The following CTNND2 variants were observed in gnomAD, a reference collection of about 807,000 sequenced individuals.
CTNND2 encodes the protein catenin delta-2.
In CTNND2, 22 loss-of-function variants were observed where a neutral mutation model predicts 144.4. That is an observed-to-expected ratio of 0.15 (90% CI 0.11 to 0.22). The LOEUF (loss-of-function observed/expected upper bound fraction) is 0.22. Among genes scored for constraint, CTNND2 ranks in the 10% least tolerant of loss-of-function variants. The pLI, the probability that CTNND2 is intolerant of heterozygous loss-of-function variation, is 1.00. For missense variants in CTNND2, 1,353 were observed against 1,618.8 expected (o/e 0.84, Z 2.82); for synonymous variants, 751 against 695.6 (o/e 1.08, Z -1.25).
intron 2 of CTNND2, among the ~76,000 whole-genome samples, chr5:11,625,420 T>G (rs1173931716): frequency 2.6e-5 from 4 of 151,276 alleles, no homozygotes; most frequent in South Asian, 2.1e-4. Context: ...TCTCTCTCTC[T>G]CTCGCTCTCT....
chr5:11,821,785 A>G (rs993371658), intron 1 of CTNND2, among the ~76,000 whole-genome samples: 4 of 152,224 alleles, frequency 2.6e-5, no homozygotes, highest in Non-Finnish European at 5.9e-5. Flanking sequence ...TAGAAATATG[A>G]AAATTTCTAT....
At chr5:11,332,903 C>T (rs1035333769) in intron 9 of CTNND2, among the ~76,000 whole-genome samples, 4 of 152,174 alleles carry the variant, frequency 2.6e-5, no homozygotes, top group Non-Finnish European at 4.4e-5. Context: ...AAACCCCTTT[C>T]GTTCATTCTG....
At chr5:11,628,129 T>C (rs1034667853) in intron 2 of CTNND2, among the ~76,000 whole-genome samples, 3 of 152,062 alleles carry the variant, frequency 2.0e-5, no homozygotes, top group Admixed American at 6.6e-5. Flanking sequence ...GTGATTTGGA[T>C]AGGGATAGCT....
intron 9 of CTNND2, among the ~76,000 whole-genome samples, chr5:11,304,952 C>G (rs1750025092): frequency 6.6e-6 from 1 of 151,266 alleles, no homozygotes; most frequent in African/African-American, 2.4e-5. Flanking sequence ...TTATGTGCTT[C>G]CTTGCTTGCT....
chr5:11,280,695 A>T (rs1747024403), intron 9 of CTNND2, among the ~76,000 whole-genome samples: 1 of 152,186 alleles, frequency 6.6e-6, no homozygotes, highest in South Asian at 2.1e-4. Context: ...ACAGAAACAG[A>T]GGGAAGCATT....
intron 2 of CTNND2, among the ~76,000 whole-genome samples, chr5:11,691,115 T>G (rs543636252): frequency 9.9e-5 from 15 of 152,248 alleles, no homozygotes; most frequent in African/African-American, 3.6e-4. Flanking sequence ...CTCACACCTG[T>G]AATCCCAGCA....
chr5:11,757,231 A>G (rs1581833458), intron 1 of CTNND2, among the ~76,000 whole-genome samples: 1 of 151,420 alleles, frequency 6.6e-6, no homozygotes, highest in African/African-American at 2.4e-5. Context: ...TGCTATATAT[A>G]TTGTTCTGTA....
At chr5:11,085,445 G>T (rs765749368) in intron 15 of CTNND2, among the ~76,000 whole-genome samples, 1 of 152,168 alleles carries the variant, frequency 6.6e-6, no homozygotes, top group African/African-American at 2.4e-5. Context: ...AATACAAGAA[G>T]TCATGTCTAA....
chr5:11,723,681 C>G (rs1230273509), intron 2 of CTNND2, among the ~76,000 whole-genome samples: 2 of 152,294 alleles, frequency 1.3e-5, no homozygotes, highest in East Asian at 3.9e-4. Flanking sequence ...GGCACTGCTC[C>G]AAGAGCTGGT....
chr5:11,185,400 T>C (rs1214503529), intron 11 of CTNND2, among the ~76,000 whole-genome samples: 5 of 152,200 alleles, frequency 3.3e-5, no homozygotes, highest in South Asian at 2.1e-4. Flanking sequence ...CAGGCATCTA[T>C]TGTGAACTGG....
rs750682993 is a variant in CTNND2, at chr5:11,111,057, G to A, written c.2278-14C>T. The A allele has an allele frequency of 6.2e-7, 1 of 1,607,048 alleles. No individual in the cohort carries two copies. The highest frequency in any genetic ancestry group is 8.5e-7 in the Non-Finnish European group (1 of 1,174,398). On this transcript the variant is annotated splice_polypyrimidine_tract_variant and intron_variant, in intron 13 of 21. Coordinates refer to ENST00000304623, the MANE Select transcript of CTNND2 (RefSeq NM_001332.4). ...GTTTTCAACGGTCTGCAGAAAAGGGGGAAACAGAGGAAAGAATGAGTAAAA... is the reference window on the plus strand; with the variant it reads ...GTTTTCAACGGTCTGCAGAAAAGGGAGAAACAGAGGAAAGAATGAGTAAAA...
chr5:11,069,978 A>G (rs777334534), intron 16 of CTNND2, among the ~76,000 whole-genome samples: 1 of 152,228 alleles, frequency 6.6e-6, no homozygotes, highest in Non-Finnish European at 1.5e-5. Context: ...GCAACCCCGT[A>G]GATGAAATGA....
chr5:11,050,494 A>G (rs1745720627), intron 16 of CTNND2, among the ~76,000 whole-genome samples: 1 of 152,250 alleles, frequency 6.6e-6, no homozygotes, highest in African/African-American at 2.4e-5. Context: ...ACAATTAACT[A>G]AAAACTAATT....
chr5:11,786,419 T>C (rs552060319), intron 1 of CTNND2, among the ~76,000 whole-genome samples: 28 of 152,294 alleles, frequency 1.8e-4, no homozygotes, highest in African/African-American at 6.5e-4. Context: ...TGGTTATAAA[T>C]AAAGCATTAC....
chr5:11,896,246 T>G (rs910294116), intron 1 of CTNND2, among the ~76,000 whole-genome samples: 2 of 152,166 alleles, frequency 1.3e-5, no homozygotes, highest in Non-Finnish European at 2.9e-5. Flanking sequence ...TAAAAATAAA[T>G]ACTAATTACA....
chr5:11,173,423 C>T (rs1028198590), intron 11 of CTNND2, among the ~76,000 whole-genome samples: 1 of 152,244 alleles, frequency 6.6e-6, no homozygotes, highest in African/African-American at 2.4e-5. Flanking sequence ...CTGTCGACTC[C>T]TCGGAAGAGT....
At chr5:11,033,318 G>T (rs914545239) in intron 16 of CTNND2, among the ~76,000 whole-genome samples, 2 of 152,190 alleles carry the variant, frequency 1.3e-5, no homozygotes, top group Admixed American at 1.3e-4. Context: ...CCAAGAGTTT[G>T]CTGGGGATTC....
intron 18 of CTNND2, among the ~76,000 whole-genome samples, chr5:11,008,045 T>C (rs1242763594): frequency 1.3e-5 from 2 of 152,132 alleles, no homozygotes; most frequent in African/African-American, 2.4e-5. Flanking sequence ...ATGTGGATAA[T>C]ACAGATGAGG....
At chr5:11,463,443 AG>A (rs1766391754) in intron 3 of CTNND2, among the ~76,000 whole-genome samples, 1 of 152,152 alleles carries the variant, frequency 6.6e-6, no homozygotes, top group African/African-American at 2.4e-5. Context: ...TTGCTGTCTC[AG>A]GTTTATAAGC....
Sources: allele counts gnomAD v4.1 joint callset (sites outside exome capture counted in the v4.1 genomes callset), GRCh38; gene constraint gnomAD v4.1.1; transcripts MANE v1.5; gene names NCBI Gene and HGNC (gene_info 2026-07-23, HGNC 2026-07-21).